Variants in CFAP299 observed in about 807,000 individuals in gnomAD.
The protein encoded by CFAP299 is cilia and flagella associated protein 299, also known as cilia- and flagella-associated protein 299.
In CFAP299, 21 loss-of-function variants were observed where a neutral mutation model predicts 27.0. That is an observed-to-expected ratio of 0.78 (90% confidence interval 0.55 to 1.12). CFAP299 has a LOEUF of 1.12. Ranked by LOEUF, CFAP299 falls within the 50% of genes most tolerant of loss-of-function variation. CFAP299 has a pLI of 0.00. For missense variants in CFAP299, 310 were observed against 276.6 expected (o/e 1.12, Z -0.86); for synonymous variants, 104 against 98.1 (o/e 1.06, Z -0.36).
chr4:80,605,865 A>G (rs1737640229), intron 3 of CFAP299, among the ~76,000 whole-genome samples: 1 of 151,746 alleles, frequency 6.6e-6, no homozygotes, highest in Non-Finnish European at 1.5e-5. Context: ...TAACAGTCTG[A>G]GTTTTTTAAC....
intron 3 of CFAP299, among the ~76,000 whole-genome samples, chr4:80,629,608 A>G (rs992222547): frequency 1.3e-5 from 2 of 152,144 alleles, no homozygotes; most frequent in Non-Finnish European, 2.9e-5. Flanking sequence ...GGCCAAGTGC[A>G]GTGGCTCACA....
intron 3 of CFAP299, among the ~76,000 whole-genome samples, chr4:80,607,610 A>T (rs1467936898): frequency 6.6e-6 from 1 of 152,180 alleles, no homozygotes; most frequent in Non-Finnish European, 1.5e-5. Context: ...AAACACCAAG[A>T]TATAAGAATT....
intron 2 of CFAP299, among the ~76,000 whole-genome samples, chr4:80,394,866 C>G (rs1725692361): frequency 6.6e-6 from 1 of 152,012 alleles, no homozygotes; most frequent in Non-Finnish European, 1.5e-5. Flanking sequence ...TGTGATACCT[C>G]CAGCTTTGCT....
At chr4:80,642,688 C>T (rs1436668304) in intron 3 of CFAP299, among the ~76,000 whole-genome samples, 1 of 151,796 alleles carries the variant, frequency 6.6e-6, no homozygotes, top group Non-Finnish European at 1.5e-5. Flanking sequence ...CACTTGAACC[C>T]GGGAGGCAAA....
At chr4:80,611,011 A>T (rs1008820136) in intron 3 of CFAP299, among the ~76,000 whole-genome samples, 1 of 152,040 alleles carries the variant, frequency 6.6e-6, no homozygotes, top group African/African-American at 2.4e-5. Context: ...TTGTAACTTC[A>T]TGGCCAAATG....
At chr4:80,380,695 C>G (rs977589966) in intron 2 of CFAP299, among the ~76,000 whole-genome samples, 1 of 152,178 alleles carries the variant, frequency 6.6e-6, no homozygotes, top group Non-Finnish European at 1.5e-5. Context: ...TCCCAAAGTA[C>G]TGGGATTACA....
intron 3 of CFAP299, among the ~76,000 whole-genome samples, chr4:80,715,909 T>G (rs549346566): frequency 1.8e-4 from 28 of 152,074 alleles, no homozygotes; most frequent in Admixed American, 1.2e-3. Context: ...CATCAAACCT[T>G]CTTGAATTCG....
In CFAP299 at chr4:80,800,491, AATATATAATATATTATATAATATATAAT is replaced by A. The variant is rs1728438694; in HGVS notation, c.334-69496_334-69469del. ...ATATATAATATATTATATAATATAT[AATATATAATATATTATATAATATATAAT>A]ATATAATATATTATATAATATATAA... On this transcript the variant is annotated intron_variant, in intron 3 of 5. Transcript: ENST00000358105. Among the ~76,000 whole-genome samples the A allele has an allele frequency of 8.6e-4, 2 of 2,314 alleles. 1 individual carries two copies. The highest frequency in any genetic ancestry group is 3.2e-3 in the Non-Finnish European group (2 of 630). 1.5% of individuals were successfully genotyped at this position (2,314 alleles called of 152,430 possible).
chr4:80,825,746 G>A (rs1729950310), intron 3 of CFAP299, among the ~76,000 whole-genome samples: 1 of 151,828 alleles, frequency 6.6e-6, no homozygotes, highest in Admixed American at 6.6e-5. Context: ...AATTATTAAG[G>A]GAGTCCTGGA....
intron 3 of CFAP299, among the ~76,000 whole-genome samples, chr4:80,646,191 G>T (rs566063444): frequency 1.3e-5 from 2 of 152,100 alleles, no homozygotes; most frequent in South Asian, 2.1e-4. Flanking sequence ...GTGCAAATGC[G>T]TGTGTTCTAC....
intron 3 of CFAP299, among the ~76,000 whole-genome samples, chr4:80,843,639 C>G (rs1369350126): frequency 6.6e-6 from 1 of 152,044 alleles, no homozygotes; most frequent in Non-Finnish European, 1.5e-5. Context: ...GTTCTAGATC[C>G]CTGAGGAATC....
chr4:80,397,781 C>A (rs1725889878), intron 2 of CFAP299, among the ~76,000 whole-genome samples: 2 of 152,160 alleles, frequency 1.3e-5, no homozygotes, highest in African/African-American at 4.8e-5. Flanking sequence ...TGGCACAAGA[C>A]AGGGATGCCC....
At chr4:80,889,823 T>C (rs1734164714) in intron 4 of CFAP299, among the ~76,000 whole-genome samples, 1 of 152,050 alleles carries the variant, frequency 6.6e-6, no homozygotes, top group Non-Finnish European at 1.5e-5. Context: ...GTTCAACATA[T>C]GCAAATCAGT....
intron 1 of CFAP299, among the ~76,000 whole-genome samples, chr4:80,343,121 GCTAA>G (rs1361254157): frequency 1.3e-5 from 2 of 151,762 alleles, no homozygotes; most frequent in South Asian, 2.1e-4. Flanking sequence ...AATAAGAAGA[GCTAA>G]CTATCTTAAA....
chr4:80,398,531 T>C (rs1725948793), intron 2 of CFAP299, among the ~76,000 whole-genome samples: 1 of 152,016 alleles, frequency 6.6e-6, no homozygotes. Context: ...TCAGAAATAA[T>C]ACCACACATC....
chr4:80,343,706 G>A (rs908127255), intron 1 of CFAP299, among the ~76,000 whole-genome samples: 16 of 150,242 alleles, frequency 1.1e-4, no homozygotes, highest in African/African-American at 2.9e-4. Context: ...GGAGAATGGC[G>A]TGAACCCGGG....
At chr4:80,810,338 C>T (rs542500854) in intron 3 of CFAP299, among the ~76,000 whole-genome samples, 56 of 148,436 alleles carry the variant, frequency 3.8e-4, no homozygotes, top group African/African-American at 1.4e-3. Flanking sequence ...GAATAATGTG[C>T]CCCCCAACCC....
At chr4:80,850,491 T>C (rs927029383) in intron 3 of CFAP299, among the ~76,000 whole-genome samples, 3 of 151,960 alleles carry the variant, frequency 2.0e-5, no homozygotes, top group African/African-American at 7.2e-5. Context: ...AGTATATGAA[T>C]GCATTTCTAA....
At chr4:80,707,763 A>G (rs1323246012) in intron 3 of CFAP299, among the ~76,000 whole-genome samples, 3 of 152,040 alleles carry the variant, frequency 2.0e-5, no homozygotes, top group East Asian at 3.9e-4. Context: ...GTTTCATTCA[A>G]CTTCAATGAG....
Sources: gnomAD v4.1 joint callset for allele counts (sites outside exome capture counted in the v4.1 genomes callset) on GRCh38, gnomAD v4.1.1 for gene constraint, MANE v1.5 for transcripts, NCBI Gene and HGNC (gene_info 2026-07-23, HGNC 2026-07-21) for gene names.